Variants in B3GAT1 observed in about 807,000 individuals in gnomAD.
B3GAT1 encodes galactosylgalactosylxylosylprotein 3-beta-glucuronosyltransferase 1.
A neutral mutation model predicts 28.4 loss-of-function variants in B3GAT1; 11 were observed. The ratio of observed to expected loss-of-function variants is 0.39; its 90% CI spans 0.24 to 0.64. B3GAT1 has a LOEUF of 0.64. Among genes scored for constraint, B3GAT1 ranks in the 30% least tolerant of loss-of-function variants. B3GAT1 has a pLI of 0.50. For missense variants in B3GAT1, 375 were observed against 491.0 expected (o/e 0.76, Z 2.23); for synonymous variants, 255 against 223.1 (o/e 1.14, Z -1.27).
rs1471958109 is a variant in B3GAT1, at chr11:134,384,167, C to T, written c.134G>A (p.Arg45His). ...GGGGTCGGCGCCGGGCGGCGTTTCG[C>T]GTCGGGGGTCACTGCCCTCATCTGC... is the stretch of plus-strand genomic sequence containing the variant. ...VHKDEGSDPR[R>H]ETPPGADPRE... is the part of the protein sequence containing the mutation. The change falls in exon 3 of 6, where the codon CGC becomes CAC. Residue 45 changes from arginine (R) to histidine (H), a missense_variant. Transcript: ENST00000312527. 10 of 1,547,482 alleles carry T rather than the reference C, an allele frequency of 6.5e-6. No individual in the cohort carries two copies. The highest frequency in any genetic ancestry group is 1.8e-4 in the Middle Eastern group (1 of 5,576).
At position 134,412,152 on chromosome 11, in the gene B3GAT1, G is replaced by A. The variant is rs1944875080; in HGVS notation, c.-627C>T. On this transcript the variant is annotated 5_prime_UTR_variant, in exon 1 of 6. Transcript: ENST00000312527. ...GGGGAGCGGGCGCGGGGGCGAGAGG[G>A]GCGAGGGGGGCGCGCGGCCGGAGCC... Among the ~76,000 whole-genome samples the A allele has an allele frequency of 7.0e-6, 1 of 143,882 alleles. No homozygotes were observed. Among genetic ancestry groups the A allele is most frequent in the African/African-American group, 2.5e-5 (1 of 40,184 alleles). 94.4% of individuals were successfully genotyped at this position (143,882 alleles called of 152,430 possible). A position where few individuals can be genotyped will look rare whatever the true frequency, so the allele number is the denominator to read the frequency against.
At chr11:134,391,725 G>A (rs1944415761) in intron 1 of B3GAT1, 1 of 152,294 alleles carries the variant, frequency 6.6e-6, no homozygotes, top group Admixed American at 6.5e-5. Context: ...GTGAGTGTAG[G>A]GCCCAGGCCT....
chr11:134,394,073 C>A (rs1425240748), intron 1 of B3GAT1, among the ~76,000 whole-genome samples: 1 of 152,216 alleles, frequency 6.6e-6, no homozygotes, highest in Non-Finnish European at 1.5e-5. Context: ...CCCGGGCCCA[C>A]CACAGCCCTG....
intron 2 of B3GAT1, chr11:134,386,306 T>G (rs772707144): frequency 3.9e-5 from 6 of 152,280 alleles, no homozygotes; most frequent in Non-Finnish European, 8.8e-5. Flanking sequence ...TCTCTCTGCA[T>G]GGGCTTGGTG....
At chr11:134,381,051 G>A (rs1210270961) in intron 5 of B3GAT1, among the ~76,000 whole-genome samples, 1 of 152,204 alleles carries the variant, frequency 6.6e-6, no homozygotes, top group Non-Finnish European at 1.5e-5. Context: ...GAGGACAAAT[G>A]TCTGTCTCAG....
At chr11:134,381,731 GT>G (rs2136299805) in intron 5 of B3GAT1, 192 bp downstream of exon 5, 1 of 576,598 alleles carries the variant, frequency 1.7e-6, no homozygotes, top group East Asian at 2.8e-5. Flanking sequence ...AGCTGCGTGG[GT>G]GAAAGTTAAT....
chr11:134,396,936 C>T (rs1375999449), intron 1 of B3GAT1, among the ~76,000 whole-genome samples: 1 of 152,214 alleles, frequency 6.6e-6, no homozygotes, highest in Admixed American at 6.5e-5. Context: ...GCTTCCCCAT[C>T]TCTCACACGG....
At chr11:134,403,327 C>T (rs145504072) in intron 1 of B3GAT1, among the ~76,000 whole-genome samples, 26 of 152,294 alleles carry the variant, frequency 1.7e-4, no homozygotes, top group South Asian at 1.0e-3. Flanking sequence ...CCCTTCACAC[C>T]GGTACGTTTG....
chr11:134,406,984 C>G (rs1944746043), intron 1 of B3GAT1, among the ~76,000 whole-genome samples: 1 of 152,224 alleles, frequency 6.6e-6, no homozygotes, highest in Admixed American at 6.5e-5. Flanking sequence ...CCCAAAACAC[C>G]TGTGCAGGCT....
chr11:134,404,339 T>C (rs1944687721), intron 1 of B3GAT1, among the ~76,000 whole-genome samples: 2 of 152,002 alleles, frequency 1.3e-5, no homozygotes, highest in South Asian at 4.2e-4. Context: ...GAGTTTCCAA[T>C]GGCCGAGATG....
At chr11:134,397,347 G>A (rs79821574) in intron 1 of B3GAT1, among the ~76,000 whole-genome samples, 1,581 of 152,270 alleles carry the variant, frequency 0.01, 32 homozygotes, top group African/African-American at 0.037. Context: ...TGGCACTCAG[G>A]GATGCCTGCC....
chr11:134,379,113 G>C lies in B3GAT1; in HGVS notation c.*1649C>G, dbSNP rs1403508778. On this transcript the variant is annotated 3_prime_UTR_variant, in exon 6 of 6. Coordinates refer to ENST00000312527, the MANE Select transcript of B3GAT1 (RefSeq NM_054025.3). ...GGTTGGGGAAAACGTCCTGCAAGGT[G>C]GCTCAGGGATCTGATTCCATCAGAT... The C allele has an allele frequency of 6.6e-6, 1 of 152,226 alleles. No individual in the cohort carries two copies. Among genetic ancestry groups the C allele is most frequent in the African/African-American group, 2.4e-5 (1 of 41,444 alleles). 9.4% of individuals were successfully genotyped at this position (152,226 alleles called of 1,614,324 possible).
intron 1 of B3GAT1, among the ~76,000 whole-genome samples, chr11:134,400,514 C>T (rs931873008): frequency 6.6e-6 from 1 of 152,170 alleles, no homozygotes; most frequent in Admixed American, 6.5e-5. Context: ...ATACAAACAC[C>T]ACCACCTCCA....
At chr11:134,410,107 C>T (rs1231299258) in intron 1 of B3GAT1, among the ~76,000 whole-genome samples, 1 of 152,252 alleles carries the variant, frequency 6.6e-6, no homozygotes, top group African/African-American at 2.4e-5. Context: ...AGCTGAGGAA[C>T]TGGGCTTGCC....
intron 4 of B3GAT1, 111 bp from the exon 5 acceptor site, chr11:134,382,135 TCG>T: frequency 1.2e-6 from 1 of 839,866 alleles, no homozygotes; most frequent in Non-Finnish European, 1.9e-6. Flanking sequence ...TCCTTTTCCT[TCG>T]AGAGTTTTTC....
chr11:134,399,641 T>A (rs1268711736), intron 1 of B3GAT1, among the ~76,000 whole-genome samples: 4 of 152,190 alleles, frequency 2.6e-5, no homozygotes, highest in Admixed American at 2.0e-4. Flanking sequence ...TGCCCTAGAA[T>A]CCTGGACCCT....
At position 134,387,869 on chromosome 11, in the gene B3GAT1, T is replaced by C; in HGVS notation, c.-210A>G. ...CCATTGCGGAAGCAGGTTTGGAGAG[T>C]CCGGCCCAACTGGAGTCTGAGAAGG... is the stretch of plus-strand genomic sequence containing the variant. On this transcript the variant is annotated 5_prime_UTR_variant, in exon 2 of 6. Transcript: ENST00000312527. The C allele has an allele frequency of 1.3e-6, 2 of 1,522,032 alleles. No homozygotes were observed. Among genetic ancestry groups the C allele is most frequent in the Non-Finnish European group, 1.8e-6 (2 of 1,138,220 alleles). 94.3% of individuals were successfully genotyped at this position (1,522,032 alleles called of 1,614,324 possible).
chr11:134,399,627 G>A (rs1038368575), intron 1 of B3GAT1, among the ~76,000 whole-genome samples: 2 of 152,212 alleles, frequency 1.3e-5, no homozygotes, highest in Non-Finnish European at 2.9e-5. Flanking sequence ...CAGAAAGGCT[G>A]GGATGCCCTA....
At position 134,384,170 on chromosome 11, in the gene B3GAT1, C is replaced by G; in HGVS notation, c.131G>C (p.Arg44Pro). 1 of 1,546,880 alleles carries G rather than the reference C, an allele frequency of 6.5e-7. No homozygotes were observed. Among genetic ancestry groups the G allele is most frequent in the Non-Finnish European group, 8.7e-7 (1 of 1,147,028 alleles). ...AVHKDEGSDP[R>P]RETPPGADPR... is the part of the protein sequence containing the mutation. ...GTCGGCGCCGGGCGGCGTTTCGCGTCGGGGGTCACTGCCCTCATCTGCGGA... is the reference window on the plus strand; with the variant it reads ...GTCGGCGCCGGGCGGCGTTTCGCGTGGGGGGTCACTGCCCTCATCTGCGGA... The change falls in exon 3 of 6, where the codon CGA (arginine) becomes CCA (proline). Residue 44 changes from arginine (R) to proline (P), a missense_variant. Arg to Pro is a moderately radical substitution (Grantham distance 103). Transcript: ENST00000312527.
Sources: gnomAD v4.1 joint callset for allele counts (sites outside exome capture counted in the v4.1 genomes callset) on GRCh38, gnomAD v4.1.1 for gene constraint, MANE v1.5 for transcripts, NCBI Gene and HGNC (gene_info 2026-07-23, HGNC 2026-07-21) for gene names.